Variants in P4HA1 observed in about 807,000 individuals in gnomAD.
P4HA1 encodes prolyl 4-hydroxylase subunit alpha-1.
In P4HA1, 24 loss-of-function variants were observed where a neutral mutation model predicts 72.8. The observed-to-expected ratio is 0.33, with a 90% CI of 0.24 to 0.46. The LOEUF (loss-of-function observed/expected upper bound fraction) is 0.46. Ranked by LOEUF, P4HA1 falls within the 20% of genes least tolerant of loss-of-function variation. P4HA1 has a pLI of 1.00. For synonymous variants in P4HA1, 201 were observed against 218.8 expected, an observed-to-expected ratio of 0.92 and a Z score of 0.72; for missense variants, 446 against 640.6, an observed-to-expected ratio of 0.70 and a Z score of 3.28.
chr10:73,012,680 T>C (rs1188568781), intron 12 of P4HA1, among the ~76,000 whole-genome samples: 2 of 152,130 alleles, frequency 1.3e-5, no homozygotes, highest in Non-Finnish European at 2.9e-5. Flanking sequence ...AGACAGATTT[T>C]GGTAGGGAGT....
At chr10:73,027,869 A>G (rs994237811) in intron 10 of P4HA1, among the ~76,000 whole-genome samples, 9 of 67,332 alleles carry the variant, frequency 1.3e-4, no homozygotes, top group Admixed American at 7.7e-4. Flanking sequence ...AGGGAGGGAG[A>G]GAGGGAGGGA....
chr10:73,057,569 G>A (rs1841181474), intron 5 of P4HA1, among the ~76,000 whole-genome samples: 1 of 152,074 alleles, frequency 6.6e-6, no homozygotes, highest in Non-Finnish European at 1.5e-5. Context: ...TCTAGAAGAA[G>A]AGAACAGAAA....
intron 1 of P4HA1, among the ~76,000 whole-genome samples, chr10:73,082,897 T>C (rs1841855328): frequency 1.9e-5 from 2 of 106,584 alleles, no homozygotes; most frequent in African/African-American, 7.5e-5. Context: ...AGAAAGCAGC[T>C]TGCAAAGAGA....
chr10:73,084,054 C>T (rs1841876654), intron 1 of P4HA1, among the ~76,000 whole-genome samples: 1 of 152,178 alleles, frequency 6.6e-6, no homozygotes, highest in African/African-American at 2.4e-5. Context: ...CACAGCTCTG[C>T]TTCTAGCTGG....
intron 10 of P4HA1, among the ~76,000 whole-genome samples, chr10:73,029,387 G>A (rs1840375712): frequency 1.4e-5 from 2 of 143,062 alleles, no homozygotes; most frequent in African/African-American, 5.1e-5. Flanking sequence ...TCCAGCTTGG[G>A]CCACAGAGCC....
At chr10:73,018,046 C>G (rs544792230) in intron 10 of P4HA1, among the ~76,000 whole-genome samples, 1 of 152,282 alleles carries the variant, frequency 6.6e-6, no homozygotes, top group African/African-American at 2.4e-5. Flanking sequence ...TGAAGGCCTA[C>G]TTGAAGGCCT....
At chr10:73,075,742 AGT>A (rs531577086) in intron 1 of P4HA1, among the ~76,000 whole-genome samples, 558 of 147,686 alleles carry the variant, frequency 3.8e-3, no homozygotes, top group East Asian at 7.4e-3. Context: ...ATATATATAT[AGT>A]GTGTGTGTGT....
At chr10:73,066,832 T>C (rs891589731) in intron 5 of P4HA1, among the ~76,000 whole-genome samples, 6 of 152,156 alleles carry the variant, frequency 3.9e-5, no homozygotes, top group Non-Finnish European at 8.8e-5. Flanking sequence ...TTCTCTTTCC[T>C]GCCACCCTGT....
Position 73,041,549 on chromosome 10 carries a change from A to C in P4HA1, c.1148+3432T>G, listed in dbSNP as rs868015057. On this transcript the variant is annotated intron_variant, in intron 9 of 14. Transcript: ENST00000394890. The stretch of plus-strand genomic sequence containing the variant: ...CAGAGCAAGACTCCATCCCCCCCCC[A>C]AAAAAAAAAAAAAAGAATTCTCTGA... 8.6e-3 allele frequency among the ~76,000 whole-genome samples: 1,168 copies of C among 135,352 alleles called. 15 individuals are homozygous for C. Among genetic ancestry groups the C allele is most frequent in the East Asian group, 0.064 (298 of 4,654 alleles). The allele number at this position is 135,352 out of a possible 152,430, so 88.8% of individuals were successfully genotyped here.
At chr10:73,087,538 T>C (rs1841948408) in intron 1 of P4HA1, among the ~76,000 whole-genome samples, 1 of 152,188 alleles carries the variant, frequency 6.6e-6, no homozygotes, top group South Asian at 2.1e-4. Context: ...AGTGCTGGGA[T>C]TACAGGCATG....
rs1022724433 is a variant in P4HA1, at chr10:73,050,921, G to GT, written c.900+131dup. ...TCTATGTTGCCTAAGCTGACATACTGTAATATTTTATGCAGTCATTCTGAT... is the reference window on the plus strand; with the variant it reads ...TCTATGTTGCCTAAGCTGACATACTGTTAATATTTTATGCAGTCATTCTGAT... On this transcript the variant is annotated intron_variant, in intron 7 of 14. Transcript: ENST00000394890. 3.0e-5 allele frequency: 23 copies of GT among 761,624 alleles called. No homozygotes were observed. In the African/African-American group the frequency reaches 3.6e-4, roughly 12 times the overall value. 47.2% of individuals were successfully genotyped at this position (761,624 alleles called of 1,614,324 possible). A position where few individuals can be genotyped will look rare whatever the true frequency, so the allele number is the denominator to read the frequency against.
chr10:73,039,049 C>A (rs1359261831), intron 9 of P4HA1, among the ~76,000 whole-genome samples: 2 of 152,150 alleles, frequency 1.3e-5, no homozygotes, highest in Non-Finnish European at 2.9e-5. Context: ...TACCAATACT[C>A]TGGGAGGATC....
chr10:73,071,960 T>C (rs1841574843), intron 4 of P4HA1, 69 bp downstream of exon 4: 1 of 1,274,668 alleles, frequency 7.8e-7, no homozygotes, highest in Admixed American at 1.9e-5. Flanking sequence ...GAACTGAATT[T>C]ATCATTAATT....
chr10:73,036,525 T>A (rs1840580416), intron 9 of P4HA1, among the ~76,000 whole-genome samples: 1 of 151,622 alleles, frequency 6.6e-6, no homozygotes, highest in Non-Finnish European at 1.5e-5. Context: ...GCCTCCGGAG[T>A]AACTGGAACT....
At chr10:73,047,514 G>GT (rs1840896607) in intron 7 of P4HA1, among the ~76,000 whole-genome samples, 1 of 109,972 alleles carries the variant, frequency 9.1e-6, no homozygotes, top group East Asian at 2.8e-4. Context: ...AAAAAACTAG[G>GT]TTTTCCTAAA....
chr10:73,058,754 A>C (rs1169369260), intron 5 of P4HA1, among the ~76,000 whole-genome samples: 1 of 151,922 alleles, frequency 6.6e-6, no homozygotes, highest in African/African-American at 2.4e-5. Flanking sequence ...ACCAAAGTAC[A>C]TAACAGTATT....
At chr10:73,019,644 C>A (rs761484035) in intron 10 of P4HA1, among the ~76,000 whole-genome samples, 1 of 142,816 alleles carries the variant, frequency 7.0e-6, no homozygotes, top group African/African-American at 2.6e-5. Context: ...GCAGGAGAAT[C>A]GCTTGAACCT....
intron 9 of P4HA1, among the ~76,000 whole-genome samples, chr10:73,035,224 A>G (rs1466475873): frequency 1.3e-5 from 2 of 151,462 alleles, no homozygotes; most frequent in Non-Finnish European, 2.9e-5. Flanking sequence ...TGCCTTTTAA[A>G]CTACTGCTTT....
At chr10:73,094,322 A>T (rs1443671155) in intron 1 of P4HA1, among the ~76,000 whole-genome samples, 1 of 152,168 alleles carries the variant, frequency 6.6e-6, no homozygotes, top group Non-Finnish European at 1.5e-5. Context: ...CAAGACACCT[A>T]GATACCCTTA....
Sources: allele counts gnomAD v4.1 joint callset (sites outside exome capture counted in the v4.1 genomes callset), GRCh38; gene constraint gnomAD v4.1.1; transcripts MANE v1.5; gene names NCBI Gene and HGNC (gene_info 2026-07-23, HGNC 2026-07-21).